Variants in CACNA1B observed in about 807,000 individuals in gnomAD.
The protein encoded by CACNA1B is calcium voltage-gated channel subunit alpha1 B.
A neutral mutation model predicts 247.2 loss-of-function variants in CACNA1B; 70 were observed. That is an observed-to-expected ratio of 0.28 (90% CI 0.23 to 0.35). The LOEUF (loss-of-function observed/expected upper bound fraction) is 0.35. Among genes scored for constraint, CACNA1B ranks in the 10% least tolerant of loss-of-function variants. The pLI is 1.00. For synonymous variants in CACNA1B, 1,231 were observed against 1,294.4 expected, an observed-to-expected ratio of 0.95 and a Z score of 1.05; for missense variants, 2,367 against 3,197.4, an observed-to-expected ratio of 0.74 and a Z score of 6.26.
intron 15 of CACNA1B, among the ~76,000 whole-genome samples, chr9:137,988,336 G>A (rs780751064): frequency 4.6e-5 from 7 of 152,178 alleles, no homozygotes; most frequent in Non-Finnish European, 7.3e-5. Context: ...GAAACTCCAG[G>A]TGTGGGCGGG....
At chr9:138,082,058 CAT>C (rs776700566) in intron 36 of CACNA1B, among the ~76,000 whole-genome samples, 11 of 151,072 alleles carry the variant, frequency 7.3e-5, no homozygotes, top group Non-Finnish European at 1.3e-4. Flanking sequence ...TAGAAGAAAA[CAT>C]AGTGGGTAAA....
At position 137,990,026 on chromosome 9, in the gene CACNA1B, T is replaced by C. The variant is rs533952635; in HGVS notation, c.1974+3172T>C. On this transcript the variant is annotated intron_variant, in intron 15 of 46. Transcript: ENST00000371372. The surrounding 1 kb of genome is among the most constrained non-coding windows in gnomAD (Gnocchi z 4.5). The stretch of plus-strand genomic sequence containing the variant: ...CATCATGAACTTTTGCTCCAAGAAC[T>C]ACCACGGGAAGTTCTTGGAACTACC... 9.2e-5 allele frequency among the ~76,000 whole-genome samples: 14 copies of C among 152,192 alleles called. No individual in the cohort carries two copies. The South Asian group carries it at 2.9e-3, about 32-fold the overall frequency.
rs1440456813 is a variant in CACNA1B, at chr9:138,059,259, T to C, written c.4584+70T>C. On this transcript the variant is annotated intron_variant, in intron 30 of 46. Coordinates refer to ENST00000371372, the MANE Select transcript of CACNA1B (RefSeq NM_000718.4). This position sits in a 1 kb window ranked among gnomAD's most constrained non-coding sequence, Gnocchi z 4.2. ...TGGTTCCCCATCTGTAGGGCGACCT[T>C]TGGGGGCTCACAATTTGGAGCTGGG... is the stretch of plus-strand genomic sequence containing the variant. 3 of 843,482 alleles carry C rather than the reference T, an allele frequency of 3.6e-6. No individual in the cohort carries two copies. Among genetic ancestry groups the C allele is most frequent in the Non-Finnish European group, 6.0e-6 (3 of 499,028 alleles). 52.2% of individuals were successfully genotyped at this position (843,482 alleles called of 1,614,324 possible).
Position 138,120,529 on chromosome 9 carries a change from T to C in CACNA1B, c.6239-102T>C, listed in dbSNP as rs1589140743. ...GAGGCCCAGGCCCTAACCCTCACCC[T>C]AGCCTCCCCTGGCACCACCTGAATT... On this transcript the variant is annotated intron_variant, in intron 45 of 46. Coordinates refer to ENST00000371372, the MANE Select transcript of CACNA1B (RefSeq NM_000718.4). The C allele has an allele frequency of 6.4e-6, 9 of 1,400,458 alleles. No homozygotes were observed. The East Asian group carries it at 7.5e-5, about 12-fold the overall frequency. The allele number at this position is 1,400,458 out of a possible 1,614,324, so 86.8% of individuals were successfully genotyped here.
At position 138,058,050 on chromosome 9, in the gene CACNA1B, G is replaced by T. The variant is rs779283042; in HGVS notation, c.4108G>T (p.Val1370Leu). 1.2e-6 allele frequency: 2 copies of T among 1,613,404 alleles called. No homozygotes were observed. The highest frequency in any genetic ancestry group is 1.7e-6 in the Non-Finnish European group (2 of 1,179,310). Residue 1370 changes from valine (V) to leucine (L), a missense_variant and splice_region_variant, in exon 28 of 47, where the codon GTG becomes TTG. By Grantham distance (32) the Val-to-Leu change is conservative. Coordinates refer to ENST00000371372, the MANE Select transcript of CACNA1B (RefSeq NM_000718.4). The surrounding 1 kb of genome is among the most constrained non-coding windows in gnomAD (Gnocchi z 4.7). ...TVSTGEGWPM[V>L]LKHSVDATYE... ...ACACTTGCTCTCCTCTTTGCCCAGG[G>T]TGCTGAAACACTCCGTGGATGCCAC...
At chr9:138,080,570 G>A (rs1157909420) in intron 36 of CACNA1B, among the ~76,000 whole-genome samples, 3 of 152,146 alleles carry the variant, frequency 2.0e-5, no homozygotes, top group Non-Finnish European at 2.9e-5. Flanking sequence ...GGCAGGCAGC[G>A]GTCGTCCCAT....
In CACNA1B at chr9:138,120,179, C is replaced by T. The variant is rs756080133; in HGVS notation, c.6045C>T (p.Ala2015=). 2.5e-6 allele frequency: 4 copies of T among 1,604,640 alleles called. No individual in the cohort carries two copies. The South Asian group carries it at 4.5e-5, about 18-fold the overall frequency. The change falls in exon 45 of 47, where the codon GCC becomes GCT. Residue 2015 remains alanine, a synonymous_variant. Transcript: ENST00000371372. ...LAAETQPVTD[A]SPMKRSISTL... ...TTTGCCCACAGCCCGTCACAGATGC[C>T]AGCCCCATGAAGCGCTCCATCTCCA... is the stretch of plus-strand genomic sequence containing the variant.
At chr9:138,119,780 G>GAAGA (rs550833189) in intron 44 of CACNA1B, among the ~76,000 whole-genome samples, 1 of 152,290 alleles carries the variant, frequency 6.6e-6, no homozygotes, top group South Asian at 2.1e-4. Flanking sequence ...ACCTGGGAGG[G>GAAGA]CCTACCCGTC....
At position 137,919,242 on chromosome 9, in the gene CACNA1B, G is replaced by A. The variant is rs369399548; in HGVS notation, c.966+1811G>A. Among the ~76,000 whole-genome samples the A allele has an allele frequency of 3.2e-4, 49 of 152,360 alleles. No homozygotes were observed. Among genetic ancestry groups the A allele is most frequent in the African/African-American group, 1.1e-3 (47 of 41,586 alleles). ...GTAGGACCCAGTGAGTGCTGGCTCC[G>A]CTTACACAGTGGTGAGCAGAGGCAT... On this transcript the variant is annotated intron_variant, in intron 6 of 46. Transcript: ENST00000371372. This position sits in a 1 kb window ranked among gnomAD's most constrained non-coding sequence, Gnocchi z 4.6.
intron 20 of CACNA1B, among the ~76,000 whole-genome samples, chr9:138,042,185 C>CA (rs569695656): frequency 6.6e-6 from 1 of 152,226 alleles, no homozygotes; most frequent in Non-Finnish European, 1.5e-5. Context: ...ACTTACAACA[C>CA]ACGCCTGTAA....
At chr9:138,005,503 A>C (rs1004263716) in intron 15 of CACNA1B, among the ~76,000 whole-genome samples, 2 of 152,196 alleles carry the variant, frequency 1.3e-5, no homozygotes, top group African/African-American at 4.8e-5. Context: ...AAGGGGTACA[A>C]ACACAGTTAG....
At chr9:137,907,642 T>C (rs1159931225) in intron 3 of CACNA1B, among the ~76,000 whole-genome samples, 1 of 152,258 alleles carries the variant, frequency 6.6e-6, no homozygotes, top group Non-Finnish European at 1.5e-5. Context: ...TCATATGAAT[T>C]TGTAGAAATT....
intron 3 of CACNA1B, among the ~76,000 whole-genome samples, chr9:137,886,130 C>G (rs1469288151): frequency 6.6e-6 from 1 of 151,864 alleles, no homozygotes; most frequent in Non-Finnish European, 1.5e-5. Context: ...AAGAGAGATT[C>G]TGGGCCCAGG....
rs190492137 is a variant in CACNA1B, at chr9:137,909,034, A to G, written c.531-4146A>G. 2.6e-4 allele frequency among the ~76,000 whole-genome samples: 37 copies of G among 144,618 alleles called. No homozygotes were observed. In the East Asian group the frequency reaches 7.3e-3, roughly 29 times the overall value. The allele number at this position is 144,618 out of a possible 152,430, so 94.9% of individuals were successfully genotyped here. ...AGACAGAATTTCGCTCTTGTTGCCC[A>G]GGCTGGAGTGCAATGGTGCAATCTC... On this transcript the variant is annotated intron_variant, in intron 3 of 46. Coordinates refer to ENST00000371372, the MANE Select transcript of CACNA1B (RefSeq NM_000718.4).
At chr9:137,958,500 T>C (rs999213878) in intron 10 of CACNA1B, among the ~76,000 whole-genome samples, 11 of 152,194 alleles carry the variant, frequency 7.2e-5, no homozygotes, top group African/African-American at 2.4e-4. Flanking sequence ...TAGCCCCCCT[T>C]GTCGGGTGCA....
At chr9:138,046,687 C>A (rs543920490) in intron 21 of CACNA1B, among the ~76,000 whole-genome samples, 77 of 152,364 alleles carry the variant, frequency 5.1e-4, no homozygotes, top group African/African-American at 1.7e-3. Context: ...CCTTCCCCAC[C>A]CCCCGTCCCG....
In CACNA1B at chr9:138,121,690, C is replaced by T. The variant is rs1414298952; in HGVS notation, c.6711C>T (p.Ala2237=). 1 of 1,613,348 alleles carries T rather than the reference C, an allele frequency of 6.2e-7. No individual in the cohort carries two copies. Among genetic ancestry groups the T allele is most frequent in the Admixed American group, 1.7e-5 (1 of 60,012 alleles). ...GCCGTGGGCTTTCCGAACACAACGC[C>T]CTGCTGCAGAGAGACCCCCTCAGCC... The part of the protein sequence containing the change: ...RLSRGLSEHN[A]LLQRDPLSQP... Residue 2237 remains alanine (A), a synonymous_variant, in exon 47 of 47, where the codon GCC becomes GCT. Transcript: ENST00000371372. This position sits in a 1 kb window ranked among gnomAD's most constrained non-coding sequence, Gnocchi z 6.8.
intron 19 of CACNA1B, among the ~76,000 whole-genome samples, chr9:138,024,545 C>T (rs1475265258): frequency 2.0e-5 from 3 of 152,178 alleles, no homozygotes; most frequent in Non-Finnish European, 4.4e-5. Context: ...TACAGAAGGC[C>T]AGAGTAGCAG....
chr9:137,992,617 C>T (rs1287726601), intron 15 of CACNA1B, among the ~76,000 whole-genome samples: 1 of 152,066 alleles, frequency 6.6e-6, no homozygotes, highest in Non-Finnish European at 1.5e-5. Flanking sequence ...AGCATTCTAC[C>T]CAACAACTGC....
Sources: gnomAD v4.1 joint callset for allele counts (sites outside exome capture counted in the v4.1 genomes callset) on GRCh38, gnomAD v4.1.1 for gene constraint, Gnocchi (gnomAD v3.1) non-coding constraint, MANE v1.5 for transcripts, NCBI Gene and HGNC (gene_info 2026-07-23, HGNC 2026-07-21) for gene names.